Variants in SGTA observed in about 807,000 individuals in gnomAD.
The protein encoded by SGTA is small glutamine-rich tetratricopeptide repeat-containing protein alpha.
A neutral mutation model predicts 44.3 loss-of-function variants in SGTA; 22 were observed. That is an observed-to-expected ratio of 0.50 (90% CI 0.36 to 0.71). SGTA has a LOEUF of 0.71. Among genes scored for constraint, SGTA ranks in the 30% least tolerant of loss-of-function variants. The pLI is 0.00. For synonymous variants in SGTA, 174 were observed against 177.6 expected (o/e 0.98, Z 0.16); for missense variants, 341 against 435.9 (o/e 0.78, Z 1.94).
chr19:2,781,870 C>G (rs1915584076), intron 1 of SGTA, among the ~76,000 whole-genome samples: 1 of 144,598 alleles, frequency 6.9e-6, no homozygotes. Flanking sequence ...TTGACAGGGT[C>G]TCGCTCTGTC....
rs1398521911 is a variant in SGTA, at chr19:2,763,779, AG to A, written c.393-23del. On this transcript the variant is annotated intron_variant, in intron 5 of 11. Transcript: ENST00000221566. This position sits in a 1 kb window ranked among gnomAD's most constrained non-coding sequence, Gnocchi z 5.8. ...GGCTCTGGGGAAGAAAAGGCAGGGC[AG>A]GTCCCTCACTGGCGGCTCTGAGCCC... The A allele has an allele frequency of 1.2e-6, 2 of 1,605,380 alleles. No homozygotes were observed. The highest frequency in any genetic ancestry group is 4.5e-5 in the East Asian group (2 of 44,690).
chr19:2,756,023 G>A (rs2144716046), intron 11 of SGTA, 90 bp from the exon 12 acceptor site: 1 of 718,906 alleles, frequency 1.4e-6, no homozygotes, highest in Non-Finnish European at 1.7e-6. Flanking sequence ...GGCCCAGAGT[G>A]GACAGCCAGG....
chr19:2,760,421 C>T lies in SGTA; in HGVS notation c.699+1039G>A, dbSNP rs561745159. On this transcript the variant is annotated intron_variant, in intron 8 of 11. Transcript: ENST00000221566. ...TAATCCCAGCTACTCGGGAGGCTGACGCAGGAGAATCGCTTGAACCTGGGA... is the reference window on the plus strand; with the variant it reads ...TAATCCCAGCTACTCGGGAGGCTGATGCAGGAGAATCGCTTGAACCTGGGA... 7.0e-4 allele frequency among the ~76,000 whole-genome samples: 103 copies of T among 146,508 alleles called. 1 individual carries two copies. The highest frequency in any genetic ancestry group is 1.7e-3 in the African/African-American group (65 of 38,978).
At position 2,761,554 on chromosome 19, in the gene SGTA, C is replaced by T. The variant is rs1169130220; in HGVS notation, c.637-32G>A. The T allele has an allele frequency of 1.9e-6, 3 of 1,540,548 alleles. No individual in the cohort carries two copies. Among genetic ancestry groups the T allele is most frequent in the Admixed American group, 2.0e-5 (1 of 50,976 alleles). ...ATGAGAACAGCCCTGGTTAGTGGGG[C>T]CTGGACCAGAGGCCACGGTGAATAA... On this transcript the variant is annotated intron_variant, in intron 7 of 11. Coordinates refer to ENST00000221566, the MANE Select transcript of SGTA (RefSeq NM_003021.4). This position sits in a 1 kb window ranked among gnomAD's most constrained non-coding sequence, Gnocchi z 5.7.
At chr19:2,768,547 C>A (rs553839840) in intron 2 of SGTA, among the ~76,000 whole-genome samples, 1 of 152,334 alleles carries the variant, frequency 6.6e-6, no homozygotes, top group South Asian at 2.1e-4. Context: ...GACCAAGGCA[C>A]CTGGGGAGCG....
At position 2,771,603 on chromosome 19, in the gene SGTA, G is replaced by A. The variant is rs1016382629; in HGVS notation, c.-23-2512C>T. 3.9e-4 allele frequency among the ~76,000 whole-genome samples: 58 copies of A among 148,938 alleles called. 1 individual carries two copies. Among genetic ancestry groups the A allele is most frequent in the African/African-American group, 1.4e-3 (54 of 39,856 alleles). ...GGGGGGGGGGAGGGGTACGAGACCA[G>A]GCGTGCACAACGCTGAGTGAACACC... On this transcript the variant is annotated intron_variant, in intron 1 of 11. Transcript: ENST00000221566.
At chr19:2,758,054 C>G (rs1316996797) in intron 9 of SGTA, among the ~76,000 whole-genome samples, 1 of 152,172 alleles carries the variant, frequency 6.6e-6, no homozygotes, top group Admixed American at 6.5e-5. Flanking sequence ...GCAATGGCAG[C>G]GGACATTTGC....
intron 1 of SGTA, among the ~76,000 whole-genome samples, chr19:2,771,516 C>T (rs1915303020): frequency 6.6e-6 from 1 of 151,412 alleles, no homozygotes; most frequent in African/African-American, 2.4e-5. Flanking sequence ...AGCGACTTAA[C>T]TCTGCTGAGC....
At chr19:2,757,509 C>T in intron 10 of SGTA, 52 bp from the exon 11 acceptor site, 1 of 1,588,528 alleles carries the variant, frequency 6.3e-7, no homozygotes. Flanking sequence ...CTGCCTGCTG[C>T]CTCCGTCCAT....
Position 2,768,956 on chromosome 19 carries a change from G to A in SGTA, c.100+13C>T. On this transcript the variant is annotated intron_variant, in intron 2 of 11. Coordinates refer to ENST00000221566, the MANE Select transcript of SGTA (RefSeq NM_003021.4). ...TGCCCGGGGAGAGGGGGAAGTGGCAGGCACCCACCTACCTTCCAAGCTCTC... is the reference window on the plus strand; with the variant it reads ...TGCCCGGGGAGAGGGGGAAGTGGCAAGCACCCACCTACCTTCCAAGCTCTC... 3 of 1,603,152 alleles carry A rather than the reference G, an allele frequency of 1.9e-6. No individual in the cohort carries two copies. The highest frequency in any genetic ancestry group is 2.6e-6 in the Non-Finnish European group (3 of 1,170,670).
intron 1 of SGTA, among the ~76,000 whole-genome samples, chr19:2,771,826 C>T (rs1286501274): frequency 6.6e-6 from 1 of 152,234 alleles, no homozygotes; most frequent in Non-Finnish European, 1.5e-5. Context: ...CTTGGGGAGG[C>T]CCTGGCCGTG....
chr19:2,763,886 G>T lies in SGTA; in HGVS notation c.393-129C>A. The T allele has an allele frequency of 1.5e-6, 1 of 671,054 alleles. No homozygotes were observed. Among genetic ancestry groups the T allele is most frequent in the Non-Finnish European group, 2.5e-6 (1 of 395,252 alleles). The allele number at this position is 671,054 out of a possible 1,614,324, so 41.6% of individuals were successfully genotyped here. A position where few individuals can be genotyped will look rare whatever the true frequency, so the allele number is the denominator to read the frequency against. On this transcript the variant is annotated intron_variant, in intron 5 of 11. Transcript: ENST00000221566. The surrounding 1 kb of genome is among the most constrained non-coding windows in gnomAD (Gnocchi z 5.8). ...GGAACGGCCTCAGTTTTCCCCATCT[G>T]TAAAATGGGGCTGATGGGGAAAGCT...
In SGTA at chr19:2,760,847, C is replaced by T. The variant is rs145845827; in HGVS notation, c.699+613G>A. On this transcript the variant is annotated intron_variant, in intron 8 of 11. Transcript: ENST00000221566. The stretch of plus-strand genomic sequence containing the variant: ...GGCTTTTCTCCCCGACAGCCTTAGG[C>T]GAGTCCCTGTACCCTGAGGCTGTGG... 2.5e-3 allele frequency among the ~76,000 whole-genome samples: 379 copies of T among 152,308 alleles called. 4 individuals are homozygous for T. The highest frequency in any genetic ancestry group is 0.01 in the Middle Eastern group (3 of 294).
rs984768293 is a variant in SGTA at position 2,761,981 on chromosome 19, G to A, written c.637-459C>T. On this transcript the variant is annotated intron_variant, in intron 7 of 11. Coordinates refer to ENST00000221566, the MANE Select transcript of SGTA (RefSeq NM_003021.4). This position sits in a 1 kb window ranked among gnomAD's most constrained non-coding sequence, Gnocchi z 5.7. Reference sequence around the variant, plus strand: ...TGACACCTTGGGGCCTTGCTGGCCTGGCAGAGCCGCCCCCTCCTGGAGTAG... The same window carrying A: ...TGACACCTTGGGGCCTTGCTGGCCTAGCAGAGCCGCCCCCTCCTGGAGTAG... Among the ~76,000 whole-genome samples, 1 of 152,170 alleles carries A rather than the reference G, an allele frequency of 6.6e-6. No individual in the cohort carries two copies. Among genetic ancestry groups the A allele is most frequent in the Non-Finnish European group, 1.5e-5 (1 of 68,026 alleles).
At chr19:2,781,757 T>A (rs1038731749) in intron 1 of SGTA, among the ~76,000 whole-genome samples, 1 of 151,944 alleles carries the variant, frequency 6.6e-6, no homozygotes, top group South Asian at 2.1e-4. Context: ...CGAAATTGGG[T>A]GCACACACAA....
At chr19:2,764,432 C>T (rs1428659665) in intron 5 of SGTA, among the ~76,000 whole-genome samples, 1 of 152,234 alleles carries the variant, frequency 6.6e-6, no homozygotes, top group East Asian at 1.9e-4. Flanking sequence ...GGGTTTTGCT[C>T]TGCTGCCCAG....
intron 6 of SGTA, among the ~76,000 whole-genome samples, 158 bp from the exon 7 acceptor site, chr19:2,762,802 G>A (rs996659203): frequency 8.5e-5 from 13 of 152,078 alleles, no homozygotes; most frequent in Admixed American, 7.2e-4. Context: ...CCTGGCTTTC[G>A]AGGGGCCCAG....
At chr19:2,764,777 G>A (rs1915093373) in intron 5 of SGTA, among the ~76,000 whole-genome samples, 1 of 152,004 alleles carries the variant, frequency 6.6e-6, no homozygotes, top group Non-Finnish European at 1.5e-5. Context: ...TGTTAGCCAG[G>A]CTGGTCTTGA....
At chr19:2,760,542 C>CAAA (rs1363728584) in intron 8 of SGTA, among the ~76,000 whole-genome samples, 11 of 142,768 alleles carry the variant, frequency 7.7e-5, no homozygotes, top group African/African-American at 2.9e-4. Context: ...AAAAAAAAAC[C>CAAA]AAAAAAAACT....
Sources: gnomAD v4.1 joint callset for allele counts (sites outside exome capture counted in the v4.1 genomes callset) on GRCh38, gnomAD v4.1.1 for gene constraint, Gnocchi (gnomAD v3.1) non-coding constraint, MANE v1.5 for transcripts, NCBI Gene and HGNC (gene_info 2026-07-23, HGNC 2026-07-21) for gene names.